Variants in HLTF observed in about 807,000 individuals in gnomAD.
HLTF encodes the protein DNA-dependent ATPase/E3 ubiquitin-protein ligase HLTF.
In HLTF, 127 loss-of-function variants were observed where a neutral mutation model predicts 129.4. The ratio of observed to expected loss-of-function variants is 0.98; its 90% CI spans 0.85 to 1.14. The LOEUF is 1.14. HLTF is among the 50% of genes most tolerant of loss of function. The pLI is 0.00. For synonymous variants in HLTF, 332 were observed against 388.8 expected, an observed-to-expected ratio of 0.85 and a Z score of 1.72; for missense variants, 1,139 against 1,187.1, an observed-to-expected ratio of 0.96 and a Z score of 0.60.
Position 149,063,507 on chromosome 3 carries a change from C to G in HLTF, c.1084G>C (p.Glu362Gln), listed in dbSNP as rs2228257. Residue 362 changes from glutamate (E) to glutamine (Q), a missense_variant, in exon 10 of 25, where the codon GAA (glutamate) becomes CAA (glutamine). Physicochemically the swap from Glu to Gln is conservative, Grantham distance 29 (BLOSUM62 2). Coordinates refer to ENST00000310053, the MANE Select transcript of HLTF (RefSeq NM_003071.4). Reference protein sequence around the residue: ...GLSKDASRCSEQPSISDIKEK... With the variant: ...GLSKDASRCSQQPSISDIKEK... ...TTGATATCTGAAATACTGGGTTGTT[C>G]ACTACATCTAGATGCGTCTATTTCA... The G allele has an allele frequency of 3.8e-3, 6,176 of 1,605,164 alleles. 220 individuals are homozygous for G. In the African/African-American group the frequency reaches 0.071, roughly 18 times the overall value.
At chr3:149,048,580 C>CT (rs1030813701) in intron 16 of HLTF, among the ~76,000 whole-genome samples, 5 of 152,196 alleles carry the variant, frequency 3.3e-5, no homozygotes, top group African/African-American at 1.2e-4. Flanking sequence ...AAGATTATGA[C>CT]TGGATGACTA....
intron 15 of HLTF, among the ~76,000 whole-genome samples, chr3:149,049,696 A>G (rs1716823814): frequency 6.6e-6 from 1 of 152,244 alleles, no homozygotes; most frequent in South Asian, 2.1e-4. Context: ...AATGTTCTAA[A>G]TGAAAAATAT....
Position 149,050,361 on chromosome 3 carries a change from T to C in HLTF, c.1488A>G (p.Gln496=), listed in dbSNP as rs1716886389. The change falls in exon 15 of 25, where the codon CAA becomes CAG. Residue 496 remains glutamine, a synonymous_variant. Transcript: ENST00000310053. ...TCAAGTGTACATCTGATTTTATATGTTGTCCAAACTGGTCCTAAAGAAAAA... is the reference window on the plus strand; with the variant it reads ...TCAAGTGTACATCTGATTTTATATGCTGTCCAAACTGGTCCTAAAGAAAAA... The part of the protein sequence containing the change: ...VLSNWIDQFG[Q]HIKSDVHLNF... The C allele has an allele frequency of 6.3e-7, 1 of 1,577,106 alleles. No homozygotes were observed. The highest frequency in any genetic ancestry group is 1.8e-5 in the Admixed American group (1 of 55,224).
At chr3:149,036,936 T>C (rs1392706630) in intron 23 of HLTF, among the ~76,000 whole-genome samples, 1 of 152,204 alleles carries the variant, frequency 6.6e-6, no homozygotes, top group East Asian at 1.9e-4. Flanking sequence ...TTTTAAAAAC[T>C]GTTAACACGT....
chr3:149,062,498 T>C (rs552933427), intron 10 of HLTF, among the ~76,000 whole-genome samples: 15 of 152,322 alleles, frequency 9.8e-5, no homozygotes, highest in African/African-American at 2.9e-4. Flanking sequence ...AGAGACAAAT[T>C]TGCGATGACT....
chr3:149,060,054 C>A (rs1231912991), intron 12 of HLTF, among the ~76,000 whole-genome samples: 1 of 152,070 alleles, frequency 6.6e-6, no homozygotes, highest in Non-Finnish European at 1.5e-5. Context: ...TAGGAGCAGT[C>A]ATATGCAAAG....
intron 23 of HLTF, among the ~76,000 whole-genome samples, chr3:149,036,060 A>G (rs1486412180): frequency 1.3e-5 from 2 of 148,986 alleles, no homozygotes; most frequent in South Asian, 2.2e-4. Flanking sequence ...GCGTGAACCC[A>G]GGAGGCGGAG....
Position 149,074,289 on chromosome 3 carries a change from C to T in HLTF, c.455G>A (p.Gly152Glu). The T allele has an allele frequency of 3.1e-6, 5 of 1,613,498 alleles. No individual in the cohort carries two copies. The highest frequency in any genetic ancestry group is 4.5e-5 in the East Asian group (2 of 44,788). The part of the protein sequence containing the change: ...FTMPLHMTFW[G>E]KEENRKAVSD... ...AACCGCTTTTCTATTTTCTTCTTTT[C>T]CCCAAAAAGTCATATGCAGAGGCAT... Residue 152 changes from glycine (G) to glutamate (E), a missense_variant, in exon 4 of 25, where the codon GGA (glycine) becomes GAA (glutamate). Gly to Glu is a moderately conservative substitution (Grantham distance 98). Transcript: ENST00000310053.
intron 8 of HLTF, among the ~76,000 whole-genome samples, chr3:149,067,892 C>T (rs1013056255): frequency 2.0e-5 from 3 of 152,012 alleles, no homozygotes; most frequent in African/African-American, 4.8e-5. Context: ...ACCTATAGCC[C>T]CAGCACTTTG....
At position 149,055,337 on chromosome 3, in the gene HLTF, A is replaced by G; in HGVS notation, c.1439T>C (p.Ile480Thr). Residue 480 changes from isoleucine (I) to threonine (T), a missense_variant, in exon 14 of 25, where the codon ATC becomes ACC. Coordinates refer to ENST00000310053, the MANE Select transcript of HLTF (RefSeq NM_003071.4). ...DVEERPRTTLIICPLSVLSNW... is the reference protein window; with the variant it reads ...DVEERPRTTLTICPLSVLSNW... The stretch of plus-strand genomic sequence containing the variant: ...GCTTAACACAGAAAGCGGACAGATG[A>G]TCAGTGTTGTTCTTGGTCTCTCCTC... 1 of 1,613,844 alleles carries G rather than the reference A, an allele frequency of 6.2e-7. No homozygotes were observed. The highest frequency in any genetic ancestry group is 8.5e-7 in the Non-Finnish European group (1 of 1,179,748).
At chr3:149,067,199 C>T (rs1718457944) in intron 8 of HLTF, among the ~76,000 whole-genome samples, 1 of 150,952 alleles carries the variant, frequency 6.6e-6, no homozygotes, top group Non-Finnish European at 1.5e-5. Context: ...TATATATACA[C>T]ACACACACAC....
chr3:149,082,354 G>C (rs1040708531), intron 2 of HLTF, among the ~76,000 whole-genome samples: 1 of 152,326 alleles, frequency 6.6e-6, no homozygotes. Context: ...AGCTACTTGG[G>C]AGGCTGAGGC....
chr3:149,083,094 A>G (rs1720013323), intron 2 of HLTF, among the ~76,000 whole-genome samples: 2 of 152,050 alleles, frequency 1.3e-5, no homozygotes, highest in Admixed American at 1.3e-4. Context: ...TCTCCTAAAT[A>G]CAAAAAATTA....
rs766239958 is a variant in HLTF at position 149,060,820 on chromosome 3, G to C, written c.1199C>G (p.Ser400Ter). ...CAATTCACTTGTTTCAATTTCCTCT[G>C]AATCACTGCTTTCTATGTACTGGAC... ...TAVQYIESSDSEEIETSELPQ... is the reference protein window; with the variant it reads ...TAVQYIESSD The change falls in exon 11 of 25, where the codon TCA (serine) becomes TGA (stop). Residue 400 changes from serine to a stop codon, truncating the protein, a stop_gained. Coordinates refer to ENST00000310053, the MANE Select transcript of HLTF (RefSeq NM_003071.4). LOFTEE classifies it high-confidence loss of function. The C allele has an allele frequency of 6.2e-7, 1 of 1,613,384 alleles. No homozygotes were observed. Among genetic ancestry groups the C allele is most frequent in the African/African-American group, 1.3e-5 (1 of 74,872 alleles).
At position 149,076,067 on chromosome 3, in the gene HLTF, G is replaced by A. The variant is rs41267871; in HGVS notation, c.229-20C>T. The A allele has an allele frequency of 0.065, 60,635 of 931,502 alleles. 2,416 individuals are homozygous for A. The highest frequency in any genetic ancestry group is 0.13 in the South Asian group (7,405 of 57,592). The allele number at this position is 931,502 out of a possible 1,614,324, so 57.7% of individuals were successfully genotyped here. A position where few individuals can be genotyped will look rare whatever the true frequency, so the allele number is the denominator to read the frequency against. On this transcript the variant is annotated intron_variant, in intron 2 of 24. Coordinates refer to ENST00000310053, the MANE Select transcript of HLTF (RefSeq NM_003071.4). The stretch of plus-strand genomic sequence containing the variant: ...ATTAACCTAATAAAAATGATAAACA[G>A]ATAATATTACATTATAAATAATAGA...
chr3:149,055,477 G>A, intron 13 of HLTF, 77 bp from the exon 14 acceptor site: 1 of 896,876 alleles, frequency 1.1e-6, no homozygotes, highest in Non-Finnish European at 1.8e-6. Context: ...TGGCAATAAT[G>A]TGCCTCCATG....
At position 149,038,619 on chromosome 3, in the gene HLTF, GA is replaced by G. The variant is rs559260416; in HGVS notation, c.2796+429del. ...CTGGGCCCAAGCAATCAATCTTTCC[GA>G]CTTAGCCCTGCAAGTAGCTGGGACT... is the stretch of plus-strand genomic sequence containing the variant. On this transcript the variant is annotated intron_variant, in intron 23 of 24. Coordinates refer to ENST00000310053, the MANE Select transcript of HLTF (RefSeq NM_003071.4). Among the ~76,000 whole-genome samples, 1,305 of 152,066 alleles carry G rather than the reference GA, an allele frequency of 8.6e-3. 9 individuals carry two copies. Among genetic ancestry groups the G allele is most frequent in the Non-Finnish European group, 0.015 (1,013 of 67,978 alleles).
At chr3:149,036,757 GA>G (rs1001689873) in intron 23 of HLTF, among the ~76,000 whole-genome samples, 5 of 150,768 alleles carry the variant, frequency 3.3e-5, no homozygotes, top group African/African-American at 4.9e-5. Flanking sequence ...CTTAAAAAAA[GA>G]AAAAAAAATT....
chr3:149,039,499 T>TG, intron 22 of HLTF, 82 bp downstream of exon 22: 1 of 737,252 alleles, frequency 1.4e-6, no homozygotes, highest in Non-Finnish European at 2.1e-6. Flanking sequence ...GCAAAACAAA[T>TG]TAAGTTTTTT....
Sources: gnomAD v4.1 joint callset for allele counts (sites outside exome capture counted in the v4.1 genomes callset) on GRCh38, gnomAD v4.1.1 for gene constraint, MANE v1.5 for transcripts, NCBI Gene and HGNC (gene_info 2026-07-23, HGNC 2026-07-21) for gene names.